The following UTP20 variants were observed in gnomAD, a reference collection of about 807,000 sequenced individuals.
The protein encoded by UTP20 is UTP20 small subunit processome component.
A neutral mutation model predicts 329.5 loss-of-function variants in UTP20; 164 were observed. The observed-to-expected ratio is 0.50, with a 90% CI of 0.44 to 0.57. The LOEUF (loss-of-function observed/expected upper bound fraction) is 0.57, where lower values mean the gene tolerates loss of function less well. UTP20 is among the 20% of genes least tolerant of loss of function. The probability of loss-of-function intolerance (pLI) is 0.00; values close to 1 mark genes in which losing one functional copy is unlikely to be tolerated. For synonymous variants in UTP20, 1,151 were observed against 1,159.3 expected (o/e 0.99, Z 0.14); for missense variants, 3,055 against 3,284.2 (o/e 0.93, Z 1.71).
intron 43 of UTP20, among the ~76,000 whole-genome samples, chr12:101,358,030 C>T (rs1277506383): frequency 2.0e-5 from 3 of 152,084 alleles, no homozygotes; most frequent in African/African-American, 7.2e-5. Flanking sequence ...GAATGATGCT[C>T]AAAGAAAACA....
At chr12:101,314,757 T>C (rs1217944202) in intron 21 of UTP20, among the ~76,000 whole-genome samples, 1 of 150,974 alleles carries the variant, frequency 6.6e-6, no homozygotes, top group Non-Finnish European at 1.5e-5. Context: ...GGGATGTAGG[T>C]GGAGGGAAAT....
chr12:101,285,222 A>G (rs1365529321), intron 2 of UTP20, among the ~76,000 whole-genome samples: 3 of 152,206 alleles, frequency 2.0e-5, no homozygotes, highest in African/African-American at 2.4e-5. Context: ...GTAGTAATTC[A>G]TATTTCTAAA....
intron 2 of UTP20, among the ~76,000 whole-genome samples, chr12:101,281,999 G>A (rs1288503870): frequency 1.3e-5 from 2 of 152,110 alleles, no homozygotes; most frequent in South Asian, 2.1e-4. Flanking sequence ...CACCACGCCC[G>A]GCCTTGTCAT....
chr12:101,314,788 G>A (rs961789018), intron 21 of UTP20, among the ~76,000 whole-genome samples: 3 of 152,074 alleles, frequency 2.0e-5, no homozygotes, highest in Non-Finnish European at 4.4e-5. Flanking sequence ...AGAGGGAGCT[G>A]TTGTCGTTGG....
intron 21 of UTP20, among the ~76,000 whole-genome samples, chr12:101,315,367 C>A (rs970413206): frequency 4.0e-5 from 6 of 151,866 alleles, no homozygotes; most frequent in Non-Finnish European, 8.8e-5. Flanking sequence ...ACCTGTAGTC[C>A]CAGCTACTCA....
intron 61 of UTP20, 55 bp from the exon 62 acceptor site, chr12:101,385,913 T>C: frequency 6.8e-7 from 1 of 1,474,692 alleles, no homozygotes; most frequent in Non-Finnish European, 9.1e-7. Flanking sequence ...ATTTGATTCT[T>C]ATTGGTTTAA....
At chr12:101,338,740 C>A in intron 30 of UTP20, 73 bp from the exon 31 acceptor site, 1 of 1,305,010 alleles carries the variant, frequency 7.7e-7, no homozygotes. Context: ...CTTTTCTTAT[C>A]ATCATGAAGA....
At chr12:101,298,751 C>G (rs1872437329) in intron 12 of UTP20, among the ~76,000 whole-genome samples, 1 of 152,030 alleles carries the variant, frequency 6.6e-6, no homozygotes, top group African/African-American at 2.4e-5. Flanking sequence ...GATGTGGTGA[C>G]TTTAAGGAAT....
intron 48 of UTP20, among the ~76,000 whole-genome samples, chr12:101,369,177 A>G (rs998989501): frequency 6.6e-6 from 1 of 152,206 alleles, no homozygotes; most frequent in African/African-American, 2.4e-5. Flanking sequence ...AGTGCCTTGT[A>G]TACCTAATTC....
chr12:101,350,960 A>G (rs1869498872), intron 38 of UTP20, among the ~76,000 whole-genome samples: 1 of 152,042 alleles, frequency 6.6e-6, no homozygotes, highest in Non-Finnish European at 1.5e-5. Context: ...ACTCAGAAAG[A>G]CCACTGGGCT....
intron 18 of UTP20, among the ~76,000 whole-genome samples, chr12:101,308,908 T>C (rs569619700): frequency 1.3e-5 from 2 of 152,256 alleles, no homozygotes; most frequent in Non-Finnish European, 2.9e-5. Flanking sequence ...AATTTTTTTG[T>C]ATTTTTCGTA....
chr12:101,383,784 T>C, intron 60 of UTP20, 115 bp downstream of exon 60: 1 of 520,528 alleles, frequency 1.9e-6, no homozygotes, highest in Non-Finnish European at 2.7e-6. Context: ...TTATTTTTAT[T>C]TATATATATA....
In UTP20 at chr12:101,386,064, G is replaced by A. The variant is rs1870818666; in HGVS notation, c.8299G>A (p.Gly2767Arg). 6.2e-7 allele frequency: 1 copy of A among 1,609,646 alleles called. No individual in the cohort carries two copies. The highest frequency in any genetic ancestry group is 8.5e-7 in the Non-Finnish European group (1 of 1,179,286). The change falls in exon 62 of 62, where the codon GGA becomes AGA. Residue 2767 changes from glycine (G) to arginine (R), a missense_variant. This residue lies in a region of UTP20 where 337 missense variants were observed against 345.5 expected (regional missense o/e 0.98). Transcript: ENST00000261637. The part of the protein sequence containing the change: ...KKRKIEFLRP[G>R]YKAKRQKSHS... ...GAGAAAGATAGAGTTCCTGCGTCCA[G>A]GATATAAGGCCAAGAGACAAAAAAG...
chr12:101,363,536 TG>T, intron 44 of UTP20, 39 bp from the exon 45 acceptor site: 1 of 1,578,130 alleles, frequency 6.3e-7, no homozygotes, highest in South Asian at 1.2e-5. Context: ...CATATCTTGC[TG>T]AGTGCATATA....
At position 101,383,117 on chromosome 12, in the gene UTP20, T is replaced by G. The variant is rs1565810699; in HGVS notation, c.7733T>G (p.Ile2578Arg). 2 of 1,613,954 alleles carry G rather than the reference T, an allele frequency of 1.2e-6. No individual in the cohort carries two copies. Among genetic ancestry groups the G allele is most frequent in the Non-Finnish European group, 8.5e-7 (1 of 1,179,926 alleles). The change falls in exon 59 of 62, where the codon ATA becomes AGA. Residue 2578 changes from isoleucine to arginine, a missense_variant. Ile to Arg is a moderately conservative substitution (Grantham distance 97). Transcript: ENST00000261637. ...ELYCEDKQSK[I>R]KEDLEEQEAL... ...TATTGTGAGGATAAGCAAAGTAAGA[T>G]AAAAGAAGACCTGGAAGAACAAGAA...
intron 12 of UTP20, among the ~76,000 whole-genome samples, chr12:101,296,114 T>A (rs980113219): frequency 3.3e-5 from 5 of 152,226 alleles, no homozygotes; most frequent in African/African-American, 1.2e-4. Flanking sequence ...AATCCATCAA[T>A]CTTATCAGAT....
intron 2 of UTP20, 79 bp downstream of exon 2, chr12:101,281,275 T>G: frequency 8.0e-7 from 1 of 1,256,522 alleles, no homozygotes; most frequent in African/African-American, 1.5e-5. Flanking sequence ...TGAATTGTTT[T>G]TCAAGGTATT....
In UTP20 at chr12:101,317,638, A is replaced by G. The variant is rs770606237; in HGVS notation, c.2713A>G (p.Lys905Glu). Residue 905 changes from lysine (K) to glutamate (E), a missense_variant, in exon 22 of 62, where the codon AAA becomes GAA. Physicochemically the swap from Lys to Glu is moderately conservative, Grantham distance 56. Around this residue, in one of 3 missense-constraint regions of UTP20, gnomAD observed 2,445 missense variants for 2,575.5 expected, o/e 0.95. Transcript: ENST00000261637. ...AVPQDESSQKKKTRRAAAKQL... is the reference protein window; with the variant it reads ...AVPQDESSQKEKTRRAAAKQL... The stretch of plus-strand genomic sequence containing the variant: ...GCCCCAAGATGAATCCTCACAGAAG[A>G]AAAAGACGAGGAGAGCTGCAGCAAA... 3 of 1,612,834 alleles carry G rather than the reference A, an allele frequency of 1.9e-6. No individual in the cohort carries two copies. The highest frequency in any genetic ancestry group is 1.7e-4 in the Middle Eastern group (1 of 5,724).
At chr12:101,302,365 A>C in intron 14 of UTP20, 83 bp from the exon 15 acceptor site, 1 of 777,058 alleles carries the variant, frequency 1.3e-6, no homozygotes, top group Non-Finnish European at 2.1e-6. Flanking sequence ...CATAAGTAGC[A>C]AGTATTCAAT....
Sources: allele counts gnomAD v4.1 joint callset (sites outside exome capture counted in the v4.1 genomes callset), GRCh38; gene constraint gnomAD v4.1.1; regional missense constraint gnomAD v4.1.1; transcripts MANE v1.5; gene names NCBI Gene and HGNC (gene_info 2026-07-23, HGNC 2026-07-21).